The following FGGY variants were observed in gnomAD, a reference collection of about 807,000 sequenced individuals.
FGGY encodes the protein FGGY carbohydrate kinase domain-containing protein.
Under a neutral mutation model 71.3 loss-of-function variants are expected in FGGY, and 72 were observed. The observed-to-expected ratio is 1.01, with a 90% confidence interval of 0.84 to 1.23. The LOEUF (loss-of-function observed/expected upper bound fraction) is 1.23. Among genes scored for constraint, FGGY ranks in the 50% most tolerant of loss-of-function variants. The pLI is 0.00. For synonymous variants in FGGY, 251 were observed against 250.3 expected (o/e 1.00, Z -0.02); for missense variants, 668 against 682.3 (o/e 0.98, Z 0.23).
At chr1:59,341,539 G>A (rs937325969) in intron 3 of FGGY, among the ~76,000 whole-genome samples, 18 of 152,140 alleles carry the variant, frequency 1.2e-4, no homozygotes, top group South Asian at 2.1e-4. Context: ...CTCTTCTTGC[G>A]ACATTTATTA....
At chr1:59,480,374 C>T (rs1375378254) in intron 6 of FGGY, among the ~76,000 whole-genome samples, 1 of 152,154 alleles carries the variant, frequency 6.6e-6, no homozygotes, top group African/African-American at 2.4e-5. Context: ...TCTTGTTTTG[C>T]TTCCAGTATC....
intron 7 of FGGY, among the ~76,000 whole-genome samples, chr1:59,543,965 A>T (rs1182550257): frequency 6.6e-6 from 1 of 152,262 alleles, no homozygotes. Context: ...ACATTTGTTT[A>T]GTAGTGCCTA....
intron 14 of FGGY, among the ~76,000 whole-genome samples, chr1:59,690,988 G>C (rs1411178287): frequency 6.6e-6 from 1 of 152,250 alleles, no homozygotes; most frequent in Non-Finnish European, 1.5e-5. Flanking sequence ...TCTGGAACAA[G>C]AGGTCTACCT....
At chr1:59,456,293 A>T (rs1162886404) in intron 5 of FGGY, among the ~76,000 whole-genome samples, 2 of 152,192 alleles carry the variant, frequency 1.3e-5, no homozygotes, top group Admixed American at 6.5e-5. Context: ...ACATAACCAC[A>T]ACTACCAATA....
At chr1:59,742,115 A>G (rs1041648867) in intron 14 of FGGY, among the ~76,000 whole-genome samples, 2 of 152,148 alleles carry the variant, frequency 1.3e-5, no homozygotes, top group African/African-American at 4.8e-5. Context: ...AAAGTAAAGT[A>G]AAATCCCTTC....
At chr1:59,732,108 T>C (rs1339620649) in intron 14 of FGGY, among the ~76,000 whole-genome samples, 1 of 152,206 alleles carries the variant, frequency 6.6e-6, no homozygotes, top group Non-Finnish European at 1.5e-5. Context: ...ACACAAAGCA[T>C]CTGGTCCAGT....
intron 5 of FGGY, among the ~76,000 whole-genome samples, chr1:59,432,392 T>C (rs1402261196): frequency 6.6e-6 from 1 of 152,212 alleles, no homozygotes; most frequent in Non-Finnish European, 1.5e-5. Flanking sequence ...GTCAGAAGTA[T>C]GGAAGGCCTA....
chr1:59,413,773 C>A (rs1296284715), intron 5 of FGGY, among the ~76,000 whole-genome samples: 2 of 152,134 alleles, frequency 1.3e-5, no homozygotes, highest in Non-Finnish European at 2.9e-5. Flanking sequence ...GCAGCCTGGG[C>A]AACATGGCAA....
At chr1:59,363,714 G>C (rs2056054817) in intron 4 of FGGY, among the ~76,000 whole-genome samples, 1 of 152,234 alleles carries the variant, frequency 6.6e-6, no homozygotes, top group Non-Finnish European at 1.5e-5. Context: ...AGGTGAAGGT[G>C]TTGAGAGGTG....
At chr1:59,594,699 C>T (rs147522487) in intron 8 of FGGY, among the ~76,000 whole-genome samples, 98 of 152,344 alleles carry the variant, frequency 6.4e-4, no homozygotes, top group African/African-American at 2.3e-3. Flanking sequence ...ATCTGCCCTG[C>T]AGGTGAGAGC....
At chr1:59,592,098 A>AC (rs1341728350) in intron 8 of FGGY, among the ~76,000 whole-genome samples, 7 of 152,248 alleles carry the variant, frequency 4.6e-5, no homozygotes, top group Non-Finnish European at 1.0e-4. Flanking sequence ...TACAAGAAAA[A>AC]GCAACCCCAT....
intron 14 of FGGY, among the ~76,000 whole-genome samples, chr1:59,709,104 T>A (rs970094693): frequency 1.3e-5 from 2 of 152,048 alleles, no homozygotes; most frequent in African/African-American, 4.8e-5. Context: ...GTCCTCACTC[T>A]GTATTAGTCC....
intron 6 of FGGY, among the ~76,000 whole-genome samples, chr1:59,506,228 G>C (rs560801862): frequency 6.6e-6 from 1 of 152,166 alleles, no homozygotes; most frequent in East Asian, 1.9e-4. Context: ...TGGGATATAA[G>C]AAACACAAAC....
intron 1 of FGGY, among the ~76,000 whole-genome samples, chr1:59,311,066 A>G (rs1362929506): frequency 6.6e-6 from 1 of 152,112 alleles, no homozygotes; most frequent in Non-Finnish European, 1.5e-5. Flanking sequence ...GTCTGTATTA[A>G]CTGGATCATG....
rs532712683 is a variant in FGGY, at chr1:59,312,378, A to G, written c.-14-9158A>G. 2.2e-3 allele frequency among the ~76,000 whole-genome samples: 335 copies of G among 152,272 alleles called. 1 individual carries two copies. The highest frequency in any genetic ancestry group is 7.8e-3 in the African/African-American group (324 of 41,550). ...TCAACAGGATATTGACTCTTTCAACATTTCAGTTTCCTCATGTAGATGGGA... is the reference window on the plus strand; with the variant it reads ...TCAACAGGATATTGACTCTTTCAACGTTTCAGTTTCCTCATGTAGATGGGA... On this transcript the variant is annotated intron_variant, in intron 1 of 15. Transcript: ENST00000303721.
chr1:59,723,199 C>A (rs1414262061), intron 14 of FGGY, among the ~76,000 whole-genome samples: 1 of 152,078 alleles, frequency 6.6e-6, no homozygotes, highest in African/African-American at 2.4e-5. Flanking sequence ...CTTGGCCCTC[C>A]CAGCTGAAAG....
chr1:59,685,991 A>G (rs577743827), intron 14 of FGGY, among the ~76,000 whole-genome samples: 5 of 152,348 alleles, frequency 3.3e-5, no homozygotes, highest in Admixed American at 3.3e-4. Flanking sequence ...CAAATTCTAA[A>G]ATCATTATTT....
chr1:59,494,560 A>T (rs905794808), intron 6 of FGGY, among the ~76,000 whole-genome samples: 1 of 152,342 alleles, frequency 6.6e-6, no homozygotes, highest in East Asian at 1.9e-4. Flanking sequence ...TTTCCTAGGT[A>T]TACAGAAAGC....
chr1:59,393,735 T>C (rs541046425), intron 5 of FGGY, among the ~76,000 whole-genome samples: 2 of 152,322 alleles, frequency 1.3e-5, no homozygotes, highest in African/African-American at 4.8e-5. Context: ...TTTTGTTGGC[T>C]GTTAAGCTCT....
Sources: gnomAD v4.1 joint callset for allele counts (sites outside exome capture counted in the v4.1 genomes callset) on GRCh38, gnomAD v4.1.1 for gene constraint, MANE v1.5 for transcripts, NCBI Gene and HGNC (gene_info 2026-07-23, HGNC 2026-07-21) for gene names.